The following PDK1 variants were observed in gnomAD, a reference collection of about 807,000 sequenced individuals.
PDK1 encodes the protein [Pyruvate dehydrogenase (acetyl-transferring)] kinase isozyme 1, mitochondrial.
PDK1 carries 39 observed loss-of-function variants against 54.2 expected under a neutral mutation model. The ratio of observed to expected loss-of-function variants is 0.72; its 90% CI spans 0.56 to 0.94. PDK1 has a LOEUF of 0.94. PDK1 is among the 40% of genes least tolerant of loss of function. The pLI, the probability that PDK1 is intolerant of heterozygous loss-of-function variation, is 0.00. For missense variants in PDK1, 552 were observed against 566.0 expected, an observed-to-expected ratio of 0.98 and a Z score of 0.25; for synonymous variants, 221 against 207.1, an observed-to-expected ratio of 1.07 and a Z score of -0.58.
chr2:172,696,318 C>T, the PDK1 span, among the ~76,000 whole-genome samples: 1 of 152,136 alleles, frequency 6.6e-6, no homozygotes, highest in Admixed American at 6.5e-5. Flanking sequence ...TGCCTGAACT[C>T]CTCACTCAAA....
chr2:172,569,294 G>A (rs1394587363), intron 7 of PDK1, among the ~76,000 whole-genome samples: 2 of 152,078 alleles, frequency 1.3e-5, no homozygotes, highest in African/African-American at 4.8e-5. Context: ...TCTTTTTTTG[G>A]TCTGGCTTTT....
the PDK1 span, among the ~76,000 whole-genome samples, chr2:172,621,414 C>T: frequency 6.6e-6 from 1 of 151,956 alleles, no homozygotes; most frequent in African/African-American, 2.4e-5. Flanking sequence ...CCTTGAACAT[C>T]GGACACCAGA....
chr2:172,720,111 TCTC>T, the PDK1 span, among the ~76,000 whole-genome samples: 181 of 101,162 alleles, frequency 1.8e-3, no homozygotes, highest in African/African-American at 6.7e-3. Flanking sequence ...TCTCTCTCTC[TCTC>T]TCTTTTTTTT....
intron 8 of PDK1, among the ~76,000 whole-genome samples, chr2:172,576,032 A>C (rs1027711777): frequency 1.2e-4 from 19 of 152,042 alleles, no homozygotes; most frequent in African/African-American, 4.6e-4. Context: ...AGTTCACGCC[A>C]TTCTCCTGCC....
chr2:172,568,979 A>G (rs1411919519), intron 7 of PDK1, among the ~76,000 whole-genome samples, 162 bp downstream of exon 7: 3 of 152,226 alleles, frequency 2.0e-5, no homozygotes, highest in Admixed American at 2.0e-4. Flanking sequence ...ACACAGGGAG[A>G]CATCTCCATG....
chr2:172,597,574 C>T lies in PDK1; in HGVS notation c.*1605C>T, dbSNP rs940158269. The T allele has an allele frequency of 6.6e-6, 1 of 152,108 alleles. No individual in the cohort carries two copies. Among genetic ancestry groups the T allele is most frequent in the Non-Finnish European group, 1.5e-5 (1 of 68,030 alleles). The allele number at this position is 152,108 out of a possible 1,614,324, so 9.4% of individuals were successfully genotyped here. On this transcript the variant is annotated 3_prime_UTR_variant, in exon 11 of 11. Transcript: ENST00000282077. ...AACTCTATTGGTCTTTGAAACAAAGCGATACAGTGTAGGTGGTATCATTCT... is the reference window on the plus strand; with the variant it reads ...AACTCTATTGGTCTTTGAAACAAAGTGATACAGTGTAGGTGGTATCATTCT...
the PDK1 span, among the ~76,000 whole-genome samples, chr2:172,673,387 G>A: frequency 6.6e-6 from 1 of 152,182 alleles, no homozygotes; most frequent in Non-Finnish European, 1.5e-5. Context: ...TAATAAACAT[G>A]CTTGAGCCCA....
chr2:172,662,493 C>CGTTTGT, the PDK1 span, among the ~76,000 whole-genome samples: 1 of 143,500 alleles, frequency 7.0e-6, no homozygotes, highest in Non-Finnish European at 1.5e-5. Flanking sequence ...TTTTTAAAAT[C>CGTTTGT]GTGTGTGTGT....
intron 2 of PDK1, among the ~76,000 whole-genome samples, chr2:172,559,652 A>G (rs1364294356): frequency 6.6e-6 from 1 of 152,018 alleles, no homozygotes; most frequent in Non-Finnish European, 1.5e-5. Context: ...GGTTCAAGTG[A>G]TTCTCCTGCC....
the PDK1 span, among the ~76,000 whole-genome samples, chr2:172,676,734 T>C: frequency 6.6e-6 from 1 of 152,346 alleles, no homozygotes; most frequent in East Asian, 1.9e-4. Context: ...GCAGCAGGTT[T>C]TGAGAGGATT....
chr2:172,670,715 C>T, the PDK1 span, among the ~76,000 whole-genome samples: 5 of 152,088 alleles, frequency 3.3e-5, no homozygotes, highest in Non-Finnish European at 7.4e-5. Flanking sequence ...CAAAACTGAT[C>T]GGTTCACTTG....
chr2:172,581,673 A>G (rs1689917737), intron 8 of PDK1, among the ~76,000 whole-genome samples: 1 of 152,098 alleles, frequency 6.6e-6, no homozygotes, highest in Non-Finnish European at 1.5e-5. Context: ...CTTTTTCTTC[A>G]GTCGAGCTTT....
intron 2 of PDK1, among the ~76,000 whole-genome samples, chr2:172,560,522 G>T (rs1332473439): frequency 6.6e-6 from 1 of 152,148 alleles, no homozygotes; most frequent in Non-Finnish European, 1.5e-5. Flanking sequence ...AATCTTTTGC[G>T]TAAGACAGTA....
chr2:172,570,680 C>T, intron 7 of PDK1, 46 bp from the exon 8 acceptor site: 1 of 1,151,678 alleles, frequency 8.7e-7, no homozygotes, highest in Non-Finnish European at 1.3e-6. Flanking sequence ...TACACTTTCT[C>T]TTTTCTAAAA....
the PDK1 span, among the ~76,000 whole-genome samples, chr2:172,655,876 G>A: frequency 6.6e-6 from 1 of 152,210 alleles, no homozygotes; most frequent in Non-Finnish European, 1.5e-5. Flanking sequence ...CCTGGGAGAA[G>A]CGGGTCACAC....
At position 172,556,200 on chromosome 2, in the gene PDK1, C is replaced by G; in HGVS notation, c.50C>G (p.Pro17Arg). Reference protein sequence around the residue: ...LRGAALAGPGPGLRAAGFSRS... With the variant: ...LRGAALAGPGRGLRAAGFSRS... Reference sequence around the variant, plus strand: ...GGAGCCGCCTTGGCCGGCCCGGGCCCGGGGCTGCGCGCCGCCGGCTTCAGC... The same window carrying G: ...GGAGCCGCCTTGGCCGGCCCGGGCCGGGGGCTGCGCGCCGCCGGCTTCAGC... Residue 17 changes from proline to arginine, a missense_variant, in exon 1 of 11, where the codon CCG (proline) becomes CGG (arginine). Physicochemically the swap from Pro to Arg is moderately radical, Grantham distance 103 (BLOSUM62 -2). Transcript: ENST00000282077. The G allele has an allele frequency of 7.1e-7, 1 of 1,414,662 alleles. No individual in the cohort carries two copies. 87.6% of individuals were successfully genotyped at this position (1,414,662 alleles called of 1,614,324 possible).
chr2:172,585,153 T>C (rs1162120452), intron 8 of PDK1, among the ~76,000 whole-genome samples: 3 of 150,142 alleles, frequency 2.0e-5, no homozygotes, highest in Non-Finnish European at 4.4e-5. Flanking sequence ...TATGCCACCA[T>C]GCCCAGCTAA....
chr2:172,698,053 A>G, the PDK1 span, among the ~76,000 whole-genome samples: 2 of 152,218 alleles, frequency 1.3e-5, no homozygotes, highest in Non-Finnish European at 2.9e-5. Flanking sequence ...CATCTTCCTG[A>G]AAGAAATCCC....
chr2:172,641,923 G>A, the PDK1 span, among the ~76,000 whole-genome samples: 1 of 152,178 alleles, frequency 6.6e-6, no homozygotes, highest in Non-Finnish European at 1.5e-5. Context: ...CTGAGAGACG[G>A]GAGGGCAGAA....
Sources: gnomAD v4.1 joint callset for allele counts (sites outside exome capture counted in the v4.1 genomes callset) on GRCh38, gnomAD v4.1.1 for gene constraint, MANE v1.5 for transcripts, NCBI Gene and HGNC (gene_info 2026-07-23, HGNC 2026-07-21) for gene names.